The following IP6K1 variants were observed in gnomAD, a reference collection of about 807,000 sequenced individuals.
IP6K1 encodes the protein inositol hexakisphosphate kinase 1.
Under a neutral mutation model 38.3 loss-of-function variants are expected in IP6K1, and 13 were observed. That is an observed-to-expected ratio of 0.34 (90% confidence interval 0.22 to 0.54). IP6K1 has a LOEUF of 0.54. Among genes scored for constraint, IP6K1 ranks in the 20% least tolerant of loss-of-function variants. The pLI is 0.92. For synonymous variants in IP6K1, 212 were observed against 229.9 expected (o/e 0.92, Z 0.70); for missense variants, 397 against 599.8 (o/e 0.66, Z 3.53).
chr3:49,777,940 T>C (rs1172266427), intron 1 of IP6K1, among the ~76,000 whole-genome samples: 1 of 151,438 alleles, frequency 6.6e-6, no homozygotes, highest in Non-Finnish European at 1.5e-5. Context: ...AAAACAATGA[T>C]AAAGCATAAA....
chr3:49,755,213 A>G (rs983827707), intron 1 of IP6K1, among the ~76,000 whole-genome samples: 12 of 151,448 alleles, frequency 7.9e-5, no homozygotes, highest in African/African-American at 2.9e-4. Flanking sequence ...CTGGGATTAC[A>G]AGCATGAGCC....
At chr3:49,759,610 C>T (rs1389965366) in intron 1 of IP6K1, among the ~76,000 whole-genome samples, 1 of 151,194 alleles carries the variant, frequency 6.6e-6, no homozygotes, top group Non-Finnish European at 1.5e-5. Context: ...CTGGAGGCAA[C>T]ATAATGACCA....
intron 2 of IP6K1, among the ~76,000 whole-genome samples, chr3:49,742,095 A>T (rs912953534): frequency 9.2e-5 from 14 of 152,110 alleles, no homozygotes; most frequent in African/African-American, 3.4e-4. Flanking sequence ...AAAATAAAAA[A>T]ATAAAAGCCA....
At chr3:49,762,083 C>G (rs1160707290) in intron 1 of IP6K1, among the ~76,000 whole-genome samples, 1 of 152,146 alleles carries the variant, frequency 6.6e-6, no homozygotes, top group Non-Finnish European at 1.5e-5. Context: ...CTGAGAGTAA[C>G]TAAAACTACA....
At chr3:49,742,506 G>A (rs1171790314) in intron 2 of IP6K1, among the ~76,000 whole-genome samples, 3 of 150,344 alleles carry the variant, frequency 2.0e-5, no homozygotes, top group African/African-American at 2.4e-5. Flanking sequence ...CCAAGATCGC[G>A]CCACTGCACT....
At chr3:49,760,726 C>T (rs2080861387) in intron 1 of IP6K1, among the ~76,000 whole-genome samples, 1 of 152,026 alleles carries the variant, frequency 6.6e-6, no homozygotes, top group Non-Finnish European at 1.5e-5. Context: ...CAAATTTCTC[C>T]ACTCCCTCAA....
At chr3:49,763,891 G>A (rs1048306449) in intron 1 of IP6K1, among the ~76,000 whole-genome samples, 4 of 151,870 alleles carry the variant, frequency 2.6e-5, no homozygotes, top group South Asian at 2.1e-4. Context: ...GCATGGTGGC[G>A]GGCACCTGTA....
In IP6K1 at chr3:49,757,652, G is replaced by A. The variant is rs144253583; in HGVS notation, c.-128-9484C>T. On this transcript the variant is annotated intron_variant, in intron 1 of 5. Transcript: ENST00000321599. ...GGAGGATTGCTTGAGCCTGGAAGGC[G>A]GAGGTTGCAGTGAGCCAAGATTGCG... Among the ~76,000 whole-genome samples the A allele has an allele frequency of 1.4e-4, 22 of 152,200 alleles. No individual in the cohort carries two copies. The East Asian group carries it at 4.3e-3, about 29-fold the overall frequency.
At chr3:49,784,244 G>A (rs1029255692) in intron 1 of IP6K1, among the ~76,000 whole-genome samples, 4 of 151,942 alleles carry the variant, frequency 2.6e-5, no homozygotes, top group Admixed American at 6.6e-5. Flanking sequence ...TGATCCGCCC[G>A]CCTCAGCCTC....
At chr3:49,776,105 T>C (rs2081006157) in intron 1 of IP6K1, among the ~76,000 whole-genome samples, 1 of 151,946 alleles carries the variant, frequency 6.6e-6, no homozygotes, top group Non-Finnish European at 1.5e-5. Flanking sequence ...GCTATTGTCA[T>C]GTTATTTTCC....
intron 4 of IP6K1, among the ~76,000 whole-genome samples, chr3:49,731,907 G>GAAAAAAAAAAAAAAAA (rs1277207284): frequency 1.0e-4 from 7 of 69,034 alleles, no homozygotes; most frequent in Non-Finnish European, 1.9e-4. Context: ...AAAAAAAAAG[G>GAAAAAAAAAAAAAAAA]AATTCCTATG....
Position 49,727,862 on chromosome 3 carries a change from C to T in IP6K1, c.793-207G>A, listed in dbSNP as rs1440871999. On this transcript the variant is annotated intron_variant, in intron 5 of 5. Coordinates refer to ENST00000321599, the MANE Select transcript of IP6K1 (RefSeq NM_153273.4). This position sits in a 1 kb window ranked among gnomAD's most constrained non-coding sequence, Gnocchi z 5.9. ...AATACCAGGCCTATGGGTTCCCTGC[C>T]CCCAGCTTTGGAGCCCTCCTCCAAC... Among the ~76,000 whole-genome samples, 1 of 152,190 alleles carries T rather than the reference C, an allele frequency of 6.6e-6. No individual in the cohort carries two copies. Among genetic ancestry groups the T allele is most frequent in the Non-Finnish European group, 1.5e-5 (1 of 68,032 alleles).
In IP6K1 at chr3:49,724,950, A is replaced by T. The variant is rs2080484047; in HGVS notation, c.*2172T>A. 6.5e-6 allele frequency: 1 copy of T among 152,944 alleles called. No homozygotes were observed. Among genetic ancestry groups the T allele is most frequent in the African/African-American group, 2.4e-5 (1 of 41,476 alleles). 9.5% of individuals were successfully genotyped at this position (152,944 alleles called of 1,614,324 possible). A position where few individuals can be genotyped will look rare whatever the true frequency, so the allele number is the denominator to read the frequency against. On this transcript the variant is annotated 3_prime_UTR_variant, in exon 6 of 6. Coordinates refer to ENST00000321599, the MANE Select transcript of IP6K1 (RefSeq NM_153273.4). ...TGCACTTTGTTCCCAAGTTGGGGCT[A>T]AGAAGGCTGGGCCTGGCAGGGACAG... is the stretch of plus-strand genomic sequence containing the variant.
chr3:49,727,294 G>C lies in IP6K1; in HGVS notation c.1154C>G (p.Ala385Gly), dbSNP rs756964359. Residue 385 changes from alanine to glycine, a missense_variant, in exon 6 of 6, where the codon GCG (alanine) becomes GGG (glycine). By Grantham distance (60) the Ala-to-Gly change is moderately conservative. Transcript: ENST00000321599. This position sits in a 1 kb window ranked among gnomAD's most constrained non-coding sequence, Gnocchi z 5.9. ...CACCTTGGGCTGAGAGGAGGGACCC[G>C]CCTCGGGGCTGGTGTTGCTGGGGCT... is the stretch of plus-strand genomic sequence containing the variant. ...STSPSNTSPEAGPSSQPKVDV... is the reference protein window; with the variant it reads ...STSPSNTSPEGGPSSQPKVDV... 4.3e-6 allele frequency: 7 copies of C among 1,614,072 alleles called. No homozygotes were observed. The South Asian group carries it at 6.6e-5, about 15-fold the overall frequency.
intron 3 of IP6K1, among the ~76,000 whole-genome samples, chr3:49,737,757 AG>A (rs1354356280): frequency 6.6e-6 from 1 of 152,234 alleles, no homozygotes; most frequent in Non-Finnish European, 1.5e-5. Flanking sequence ...TTTTAGTTGC[AG>A]GGAAAGCGTT....
chr3:49,746,643 C>G, intron 2 of IP6K1, among the ~76,000 whole-genome samples: 1 of 148,044 alleles, frequency 6.8e-6, no homozygotes, highest in African/African-American at 2.5e-5. Context: ...CCACTGCACT[C>G]TAGCCTGGCA....
At chr3:49,741,279 G>C (rs529259293) in intron 2 of IP6K1, among the ~76,000 whole-genome samples, 1 of 152,212 alleles carries the variant, frequency 6.6e-6, no homozygotes, top group East Asian at 1.9e-4. Context: ...ATTTTCATCA[G>C]CAATGTTCCC....
At chr3:49,730,720 G>GTATTTTTTT (rs1400159651) in intron 4 of IP6K1, among the ~76,000 whole-genome samples, 1 of 151,560 alleles carries the variant, frequency 6.6e-6, no homozygotes, top group Non-Finnish European at 1.5e-5. Context: ...CTAATTTTTT[G>GTATTTTTTT]TATTTTTTTT....
At chr3:49,737,263 T>G (rs2108227956) in intron 3 of IP6K1, among the ~76,000 whole-genome samples, 1 of 152,230 alleles carries the variant, frequency 6.6e-6, no homozygotes, top group East Asian at 1.9e-4. Context: ...GCTGCACCAC[T>G]TTACCTTCCT....
Sources: allele counts gnomAD v4.1 joint callset (sites outside exome capture counted in the v4.1 genomes callset), GRCh38; gene constraint gnomAD v4.1.1; non-coding constraint Gnocchi (gnomAD v3.1); transcripts MANE v1.5; gene names NCBI Gene and HGNC (gene_info 2026-07-23, HGNC 2026-07-21).